The following LINGO2 variants were observed in gnomAD, a reference collection of about 807,000 sequenced individuals.
The protein encoded by LINGO2 is leucine rich repeat and Ig domain containing 2.
LINGO2 carries 14 observed loss-of-function variants against 30.6 expected under a neutral mutation model. The ratio of observed to expected loss-of-function variants is 0.46; its 90% confidence interval spans 0.30 to 0.72. The LOEUF is 0.72. Ranked by LOEUF, LINGO2 falls within the 30% of genes least tolerant of loss-of-function variation. LINGO2 has a pLI of 0.07. For missense variants in LINGO2, 729 were observed against 751.7 expected (o/e 0.97, Z 0.35); for synonymous variants, 317 against 288.5 (o/e 1.10, Z -1.00).
intron 4 of LINGO2, among the ~76,000 whole-genome samples, chr9:28,133,039 T>C (rs1052589863): frequency 8.6e-5 from 13 of 151,652 alleles, no homozygotes; most frequent in Admixed American, 3.3e-4. Flanking sequence ...GCAAGTTAAA[T>C]GTCACAAAAA....
At chr9:28,624,721 C>A (rs911300706) in intron 1 of LINGO2, among the ~76,000 whole-genome samples, 1 of 150,780 alleles carries the variant, frequency 6.6e-6, no homozygotes, top group Non-Finnish European at 1.5e-5. Flanking sequence ...TCCACCTCTA[C>A]TTTTTTTTGA....
the LINGO2 span, among the ~76,000 whole-genome samples, chr9:29,080,996 T>TA: frequency 6.6e-6 from 1 of 151,888 alleles, no homozygotes; most frequent in African/African-American, 2.4e-5. Context: ...CTACCAGAGG[T>TA]AAAAGGAGGA....
rs949046699 is a variant in LINGO2, at chr9:28,211,478, C to A, written c.-87+83730G>T. Among the ~76,000 whole-genome samples, 4 of 151,304 alleles carry A rather than the reference C, an allele frequency of 2.6e-5. No homozygotes were observed. The East Asian group carries it at 7.8e-4, about 29-fold the overall frequency. On this transcript the variant is annotated intron_variant, in intron 4 of 5. Transcript: ENST00000379992. Reference sequence around the variant, plus strand: ...CAAACAAAGGAGAGGAAACTTGAACCCTCTTGTGATCAGGCCTTTTTCTGC... The same window carrying A: ...CAAACAAAGGAGAGGAAACTTGAACACTCTTGTGATCAGGCCTTTTTCTGC...
intron 1 of LINGO2, among the ~76,000 whole-genome samples, chr9:28,576,851 C>T (rs1824015951): frequency 6.6e-6 from 1 of 152,118 alleles, no homozygotes; most frequent in Non-Finnish European, 1.5e-5. Context: ...ATATTTCAAG[C>T]TCACCCAAAA....
chr9:28,178,291 T>A (rs1450777570), intron 4 of LINGO2, among the ~76,000 whole-genome samples: 1 of 152,174 alleles, frequency 6.6e-6, no homozygotes, highest in East Asian at 1.9e-4. Context: ...TATTAAAATG[T>A]CTGGGCTCTC....
At chr9:29,017,827 C>T in the LINGO2 span, among the ~76,000 whole-genome samples, 5 of 151,906 alleles carry the variant, frequency 3.3e-5, no homozygotes, top group Non-Finnish European at 7.4e-5. Context: ...AGTCTCTAGA[C>T]TGACACGGAG....
At chr9:28,034,789 T>G (rs551113213) in intron 4 of LINGO2, among the ~76,000 whole-genome samples, 55 of 152,376 alleles carry the variant, frequency 3.6e-4, no homozygotes, top group African/African-American at 1.3e-3. Flanking sequence ...TAATTTAAAC[T>G]TACTTCTTAA....
chr9:28,997,115 A>C, the LINGO2 span, among the ~76,000 whole-genome samples: 1 of 152,064 alleles, frequency 6.6e-6, no homozygotes, highest in Non-Finnish European at 1.5e-5. Flanking sequence ...TTTTGTTTGG[A>C]AGTCAAGAGT....
At chr9:28,870,313 C>A in the LINGO2 span, among the ~76,000 whole-genome samples, 1 of 152,030 alleles carries the variant, frequency 6.6e-6, no homozygotes, top group Admixed American at 6.6e-5. Flanking sequence ...ATCTTCCAGT[C>A]CACCTGTACT....
chr9:28,230,552 T>G (rs1475021783), intron 4 of LINGO2, among the ~76,000 whole-genome samples: 4 of 151,874 alleles, frequency 2.6e-5, no homozygotes, highest in African/African-American at 9.7e-5. Context: ...GTTATTAATA[T>G]TATGTTTTAT....
chr9:29,203,262 A>G, the LINGO2 span, among the ~76,000 whole-genome samples: 1 of 152,156 alleles, frequency 6.6e-6, no homozygotes, highest in South Asian at 2.1e-4. Flanking sequence ...AAAAAAATAA[A>G]AATATCAATT....
rs774293304 is a variant in LINGO2, at chr9:28,326,301, G to A, written c.-245-30935C>T. 5.9e-5 allele frequency among the ~76,000 whole-genome samples: 9 copies of A among 152,044 alleles called. 1 individual carries two copies. Among genetic ancestry groups the A allele is most frequent in the South Asian group, 2.1e-4 (1 of 4,828 alleles). On this transcript the variant is annotated intron_variant, in intron 3 of 5. Transcript: ENST00000379992. Reference sequence around the variant, plus strand: ...ATTACAGGTGTGAACCACCACACCCGGCCACAAACTGTTTTTATAATGCTG... The same window carrying A: ...ATTACAGGTGTGAACCACCACACCCAGCCACAAACTGTTTTTATAATGCTG...
At chr9:28,547,874 G>A (rs1822033923) in intron 1 of LINGO2, among the ~76,000 whole-genome samples, 1 of 152,124 alleles carries the variant, frequency 6.6e-6, no homozygotes, top group African/African-American at 2.4e-5. Context: ...ATAGGGGGAA[G>A]AGCATAGGTA....
At chr9:28,100,338 C>G (rs961817035) in intron 4 of LINGO2, among the ~76,000 whole-genome samples, 1 of 152,074 alleles carries the variant, frequency 6.6e-6, no homozygotes, top group East Asian at 1.9e-4. Context: ...TATGCAGAGA[C>G]AAATGCAATG....
chr9:28,354,361 T>C (rs1564144703), intron 3 of LINGO2, among the ~76,000 whole-genome samples: 1 of 152,170 alleles, frequency 6.6e-6, no homozygotes, highest in African/African-American at 2.4e-5. Context: ...TTCAGAAATA[T>C]AAAGCAAATA....
chr9:28,846,481 T>C, the LINGO2 span, among the ~76,000 whole-genome samples: 17 of 148,092 alleles, frequency 1.1e-4, 1 homozygote, highest in Non-Finnish European at 2.5e-4. Context: ...TGAAAGAAAA[T>C]AAAATATTAG....
chr9:28,556,939 G>C (rs1399948085), intron 1 of LINGO2, among the ~76,000 whole-genome samples: 1 of 152,062 alleles, frequency 6.6e-6, no homozygotes, highest in Non-Finnish European at 1.5e-5. Context: ...AAACTGGCTA[G>C]CCATATGTAG....
At chr9:28,861,901 T>G in the LINGO2 span, among the ~76,000 whole-genome samples, 1 of 152,138 alleles carries the variant, frequency 6.6e-6, no homozygotes, top group East Asian at 1.9e-4. Context: ...TATAGGTACA[T>G]GATTATGAGA....
rs1825716895 is a variant in LINGO2 at position 28,606,919 on chromosome 9, TA to T, written c.-365+63280del. ...AGTGTTCTTACAAAAAACAAAATAT[TA>T]ATTGGCATATTTCATATAAACATAT... On this transcript the variant is annotated intron_variant, in intron 1 of 5. Coordinates refer to ENST00000379992, the Ensembl canonical transcript of LINGO2. Among the ~76,000 whole-genome samples the T allele has an allele frequency of 2.6e-5, 4 of 152,100 alleles. No homozygotes were observed. The South Asian group carries it at 8.3e-4, about 31-fold the overall frequency.
Sources: gnomAD v4.1 joint callset for allele counts (sites outside exome capture counted in the v4.1 genomes callset) on GRCh38, gnomAD v4.1.1 for gene constraint, MANE v1.5 for transcripts, NCBI Gene and HGNC (gene_info 2026-07-23, HGNC 2026-07-21) for gene names.